Variants in UPB1 observed in about 807,000 individuals in gnomAD.
UPB1 encodes the protein beta-ureidopropionase 1.
In UPB1, 40 loss-of-function variants were observed where a neutral mutation model predicts 49.1. The ratio of observed to expected loss-of-function variants is 0.81; its 90% CI spans 0.63 to 1.06. UPB1 has a LOEUF of 1.06. UPB1 is among the 50% of genes least tolerant of loss of function. UPB1 has a pLI of 0.00. For missense variants in UPB1, 499 were observed against 505.9 expected (o/e 0.99, Z 0.13); for synonymous variants, 207 against 198.2 (o/e 1.04, Z -0.38).
chr22:24,506,633 A>G (rs1398511872), intron 3 of UPB1, among the ~76,000 whole-genome samples: 1 of 152,146 alleles, frequency 6.6e-6, no homozygotes, highest in African/African-American at 2.4e-5. Flanking sequence ...CCAGAAGTTC[A>G]TGTCGTTTTC....
chr22:24,526,618 T>TA lies in UPB1; in HGVS notation c.*825dup, dbSNP rs1314947639. On this transcript the variant is annotated 3_prime_UTR_variant, in exon 10 of 10. Transcript: ENST00000326010. The stretch of plus-strand genomic sequence containing the variant: ...TGCTTCTCTAGTTGAATCTGACTGA[T>TA]ACAGATTTTGGTGCCAAAAGTGGTT... 6.6e-6 allele frequency: 1 copy of TA among 152,260 alleles called. No individual in the cohort carries two copies. The highest frequency in any genetic ancestry group is 1.5e-5 in the Non-Finnish European group (1 of 68,070). The allele number at this position is 152,260 out of a possible 1,614,324, so 9.4% of individuals were successfully genotyped here.
chr22:24,496,485 C>T (rs1287583188), intron 1 of UPB1, among the ~76,000 whole-genome samples: 1 of 151,966 alleles, frequency 6.6e-6, no homozygotes, highest in East Asian at 1.9e-4. Context: ...GAGATCCTGA[C>T]CTTAATTACG....
intron 3 of UPB1, chr22:24,503,801 C>T (rs2044037175): frequency 1.3e-5 from 2 of 152,304 alleles, no homozygotes; most frequent in Admixed American, 1.3e-4. Context: ...GCCCTCCTGA[C>T]TCATGGCACT....
At chr22:24,512,245 G>GA (rs754567640) in intron 4 of UPB1, among the ~76,000 whole-genome samples, 48 of 152,196 alleles carry the variant, frequency 3.2e-4, no homozygotes, top group East Asian at 1.7e-3. Context: ...GCCAGGGCTG[G>GA]AGGAAGAGTG....
rs561940885 is a variant in UPB1 at position 24,528,256 on chromosome 22, T to G, written c.*2462T>G. ...AATAAATGGACCACAACTCTTTGAT[T>G]ATCTGCAACTCTCATTGCCTGGAAA... On this transcript the variant is annotated 3_prime_UTR_variant, in exon 10 of 10. Coordinates refer to ENST00000326010, the MANE Select transcript of UPB1 (RefSeq NM_016327.3). 3.3e-5 allele frequency: 5 copies of G among 152,248 alleles called. No homozygotes were observed. Among genetic ancestry groups the G allele is most frequent in the African/African-American group, 1.2e-4 (5 of 41,464 alleles). 9.4% of individuals were successfully genotyped at this position (152,248 alleles called of 1,614,324 possible).
At chr22:24,504,146 C>T (rs192911296) in intron 3 of UPB1, among the ~76,000 whole-genome samples, 128 of 152,350 alleles carry the variant, frequency 8.4e-4, no homozygotes, top group African/African-American at 2.9e-3. Context: ...CCACATCCAG[C>T]TCCCTTCATT....
Position 24,526,079 on chromosome 22 carries a change from T to TA in UPB1, c.*296dup, listed in dbSNP as rs113492967. 64,168 of 370,926 alleles carry TA rather than the reference T, an allele frequency of 0.17. 2,352 individuals are homozygous for TA. Among genetic ancestry groups the TA allele is most frequent in the South Asian group, 0.24 (9,913 of 40,930 alleles). 23.0% of individuals were successfully genotyped at this position (370,926 alleles called of 1,614,324 possible). ...TTTGTTATGTAAATTTTACCTCAAC[T>TA]AAAAAAAAAAATGCCCAGGTACTGC... is the stretch of plus-strand genomic sequence containing the variant. On this transcript the variant is annotated 3_prime_UTR_variant, in exon 10 of 10. Transcript: ENST00000326010.
chr22:24,513,636 C>A, intron 5 of UPB1, 151 bp downstream of exon 5: 1 of 1,158,592 alleles, frequency 8.6e-7, no homozygotes, highest in Non-Finnish European at 1.2e-6. Context: ...CTGCAGTGCT[C>A]AGAGGGTTAC....
chr22:24,520,782 C>T (rs905963038), intron 7 of UPB1, among the ~76,000 whole-genome samples: 23 of 152,178 alleles, frequency 1.5e-4, no homozygotes, highest in Non-Finnish European at 2.5e-4. Flanking sequence ...TATATCTCTT[C>T]CTCATCCTTA....
chr22:24,515,049 G>T, intron 5 of UPB1, 152 bp from the exon 6 acceptor site: 1 of 1,039,926 alleles, frequency 9.6e-7, no homozygotes, highest in Non-Finnish European at 1.4e-6. Flanking sequence ...TTTTGTGTGT[G>T]TTTTGTTTTT....
At chr22:24,511,611 TA>T (rs1447025511) in intron 4 of UPB1, among the ~76,000 whole-genome samples, 1 of 90,646 alleles carries the variant, frequency 1.1e-5, no homozygotes, top group African/African-American at 4.2e-5. Flanking sequence ...TATATATATA[TA>T]TATATATTTT....
chr22:24,525,928 G>A lies in UPB1; in HGVS notation c.*134G>A. 3 of 1,130,092 alleles carry A rather than the reference G, an allele frequency of 2.7e-6. No individual in the cohort carries two copies. The highest frequency in any genetic ancestry group is 4.0e-6 in the Non-Finnish European group (3 of 758,582). 70.0% of individuals were successfully genotyped at this position (1,130,092 alleles called of 1,614,324 possible). A position where few individuals can be genotyped will look rare whatever the true frequency, so the allele number is the denominator to read the frequency against. On this transcript the variant is annotated 3_prime_UTR_variant, in exon 10 of 10. Transcript: ENST00000326010. The stretch of plus-strand genomic sequence containing the variant: ...TGGTTTTAAAATTCCCAGGCAGGGG[G>A]AGAGTGGCATGGGGAGTGACTTCTT...
intron 6 of UPB1, among the ~76,000 whole-genome samples, chr22:24,516,922 C>T (rs1451508990): frequency 2.0e-5 from 3 of 152,168 alleles, no homozygotes; most frequent in Non-Finnish European, 4.4e-5. Context: ...GATGGGGTTT[C>T]ACCGTCTTAG....
At chr22:24,525,648 C>A (rs1274146386) in intron 9 of UPB1, 63 bp from the exon 10 acceptor site, 3 of 1,594,454 alleles carry the variant, frequency 1.9e-6, no homozygotes, top group East Asian at 2.2e-5. Flanking sequence ...GAGGTGGTGG[C>A]GTGTAAGTGA....
In UPB1 at chr22:24,500,265, C is replaced by T; in HGVS notation, c.263C>T (p.Pro88Leu). The change falls in exon 2 of 10, where the codon CCT (proline) becomes CTT (leucine). Residue 88 changes from proline to leucine, a missense_variant. Transcript: ENST00000326010. ...AGAATCCCCCTCCCCGCAAATGCCCCTGTGGCAGAACAGGTGCAGACTCTT... is the reference window on the plus strand; with the variant it reads ...AGAATCCCCCTCCCCGCAAATGCCCTTGTGGCAGAACAGGTGCAGACTCTT... Reference protein sequence around the residue: ...QNRIPLPANAPVAEQVSALHR... With the variant: ...QNRIPLPANALVAEQVSALHR... 2 of 1,614,186 alleles carry T rather than the reference C, an allele frequency of 1.2e-6. No individual in the cohort carries two copies. The highest frequency in any genetic ancestry group is 1.7e-6 in the Non-Finnish European group (2 of 1,180,030).
At chr22:24,501,987 A>G in intron 2 of UPB1, 139 bp from the exon 3 acceptor site, 1 of 828,818 alleles carries the variant, frequency 1.2e-6, no homozygotes, top group South Asian at 1.4e-5. Context: ...TCAGGAGATA[A>G]CCAAATATAG....
chr22:24,497,501 G>T (rs1407360575), intron 1 of UPB1, among the ~76,000 whole-genome samples: 1 of 152,214 alleles, frequency 6.6e-6, no homozygotes, highest in Non-Finnish European at 1.5e-5. Flanking sequence ...CTCTGGCAAG[G>T]TCTGCCTGAC....
intron 6 of UPB1, among the ~76,000 whole-genome samples, chr22:24,517,195 C>G (rs1382207670): frequency 6.6e-6 from 1 of 152,166 alleles, no homozygotes; most frequent in Non-Finnish European, 1.5e-5. Context: ...GGTCTACCAC[C>G]CTGCCCATGT....
At chr22:24,495,905 C>T (rs995203807) in intron 1 of UPB1, among the ~76,000 whole-genome samples, 3 of 152,234 alleles carry the variant, frequency 2.0e-5, no homozygotes, top group South Asian at 2.1e-4. Context: ...ATCCTTCTTG[C>T]GGTGACCCGA....
Sources: allele counts gnomAD v4.1 joint callset (sites outside exome capture counted in the v4.1 genomes callset), GRCh38; gene constraint gnomAD v4.1.1; transcripts MANE v1.5; gene names NCBI Gene and HGNC (gene_info 2026-07-23, HGNC 2026-07-21).